Variants in TMEM117 observed in about 807,000 individuals in gnomAD.
TMEM117 encodes the protein transmembrane protein 117.
In TMEM117, 27 loss-of-function variants were observed where a neutral mutation model predicts 52.4. The ratio of observed to expected loss-of-function variants is 0.51; its 90% CI spans 0.38 to 0.71. The LOEUF (loss-of-function observed/expected upper bound fraction) is 0.71. TMEM117 is among the 30% of genes least tolerant of loss of function. The pLI is 0.00. For synonymous variants in TMEM117, 215 were observed against 206.3 expected (o/e 1.04, Z -0.36); for missense variants, 556 against 630.5 (o/e 0.88, Z 1.26).
At chr12:43,923,244 G>T (rs1049909814) in intron 2 of TMEM117, among the ~76,000 whole-genome samples, 3 of 152,146 alleles carry the variant, frequency 2.0e-5, no homozygotes, top group Admixed American at 2.0e-4. Context: ...ATCCTCTTGT[G>T]TAATCTAGTT....
intron 2 of TMEM117, among the ~76,000 whole-genome samples, chr12:43,850,822 G>A (rs534234273): frequency 1.3e-5 from 2 of 152,176 alleles, no homozygotes; most frequent in Admixed American, 6.5e-5. Flanking sequence ...TTTTTAAAAG[G>A]ACATATTTAA....
chr12:44,250,036 A>G (rs1220109868), intron 5 of TMEM117, among the ~76,000 whole-genome samples: 1 of 152,216 alleles, frequency 6.6e-6, no homozygotes, highest in Non-Finnish European at 1.5e-5. Flanking sequence ...AAATGAAACT[A>G]TCATCAGAGT....
At chr12:43,845,547 AT>A (rs1166652385) in intron 2 of TMEM117, among the ~76,000 whole-genome samples, 1 of 150,608 alleles carries the variant, frequency 6.6e-6, no homozygotes, top group Non-Finnish European at 1.5e-5. Context: ...TATTTTTAAA[AT>A]TTTTTTTATT....
At chr12:43,828,989 G>A in the TMEM117 span, among the ~76,000 whole-genome samples, 6 of 152,060 alleles carry the variant, frequency 3.9e-5, no homozygotes, top group South Asian at 1.2e-3. Flanking sequence ...TTGTTATTTT[G>A]TTGCCCAGGT....
intron 2 of TMEM117, among the ~76,000 whole-genome samples, chr12:43,942,098 T>C: frequency 6.6e-6 from 1 of 152,190 alleles, no homozygotes; most frequent in East Asian, 1.9e-4. Context: ...GGTCTAAAGC[T>C]GAAAGGACTT....
chr12:44,219,046 A>C (rs1949755716), intron 5 of TMEM117, among the ~76,000 whole-genome samples: 1 of 152,224 alleles, frequency 6.6e-6, no homozygotes, highest in Non-Finnish European at 1.5e-5. Flanking sequence ...TTTTCAACAA[A>C]TGTATTTACT....
At chr12:44,292,214 T>A (rs74084472) in intron 5 of TMEM117, among the ~76,000 whole-genome samples, 2,436 of 152,148 alleles carry the variant, frequency 0.016, 84 homozygotes, top group African/African-American at 0.055. Context: ...TAGGAATTTA[T>A]CCTTATTCCA....
intron 5 of TMEM117, among the ~76,000 whole-genome samples, chr12:44,242,016 C>T (rs1368106301): frequency 3.3e-5 from 5 of 151,988 alleles, no homozygotes; most frequent in East Asian, 1.9e-4. Context: ...ATAAGGTTGA[C>T]GTGGCTCTGT....
intron 3 of TMEM117, among the ~76,000 whole-genome samples, chr12:44,034,957 C>T (rs915736362): frequency 6.6e-6 from 1 of 152,096 alleles, no homozygotes; most frequent in African/African-American, 2.4e-5. Flanking sequence ...AGGAATTTGC[C>T]CCTGTTGCTT....
intron 3 of TMEM117, among the ~76,000 whole-genome samples, chr12:43,988,461 T>C (rs1945883708): frequency 1.3e-5 from 2 of 152,148 alleles, no homozygotes. Flanking sequence ...CATATGGTAG[T>C]GCTTTATTTC....
At chr12:44,305,504 G>A (rs1339300256) in intron 6 of TMEM117, among the ~76,000 whole-genome samples, 5 of 146,080 alleles carry the variant, frequency 3.4e-5, no homozygotes, top group Non-Finnish European at 6.0e-5. Context: ...AACATGAACA[G>A]ACACTTCTCA....
At chr12:43,806,007 A>G in the TMEM117 span, 2 of 1,527,638 alleles carry the variant, frequency 1.3e-6, no homozygotes, top group Non-Finnish European at 8.8e-7. Context: ...ATCAATCTGC[A>G]ACGTGACGGC....
At chr12:43,796,869 C>T in the TMEM117 span, 3 of 1,243,682 alleles carry the variant, frequency 2.4e-6, no homozygotes, top group Non-Finnish European at 3.4e-6. Flanking sequence ...AGGATGATAA[C>T]AAGAAAAATA....
At chr12:43,983,825 C>G (rs1271844638) in intron 3 of TMEM117, among the ~76,000 whole-genome samples, 1 of 151,630 alleles carries the variant, frequency 6.6e-6, no homozygotes, top group African/African-American at 2.4e-5. Context: ...ACTTTACACT[C>G]CAGTCTATGG....
intron 3 of TMEM117, among the ~76,000 whole-genome samples, chr12:44,095,489 G>A (rs1370934491): frequency 6.6e-6 from 1 of 152,068 alleles, no homozygotes; most frequent in Non-Finnish European, 1.5e-5. Flanking sequence ...GCAAAGTGGG[G>A]AAAGAAATGG....
intron 2 of TMEM117, among the ~76,000 whole-genome samples, chr12:43,850,169 G>GGATCCTTGCCCTGTTATC (rs1392309660): frequency 3.3e-5 from 5 of 152,060 alleles, no homozygotes; most frequent in African/African-American, 4.8e-5. Context: ...GTGAGATGAT[G>GGATCCTTGCCCTGTTATC]GATCCTTGCC....
chr12:43,912,460 C>T (rs982716988), intron 2 of TMEM117, among the ~76,000 whole-genome samples: 12 of 148,086 alleles, frequency 8.1e-5, no homozygotes, highest in African/African-American at 1.0e-4. Flanking sequence ...AACTAACCTG[C>T]GCGTTGTGCA....
At chr12:44,155,920 A>G (rs1948819138) in intron 4 of TMEM117, among the ~76,000 whole-genome samples, 1 of 152,036 alleles carries the variant, frequency 6.6e-6, no homozygotes, top group Non-Finnish European at 1.5e-5. Context: ...GACAGGTACC[A>G]TGTTGTAATG....
chr12:44,365,420 G>T (rs1951776843), intron 6 of TMEM117, among the ~76,000 whole-genome samples: 1 of 152,008 alleles, frequency 6.6e-6, no homozygotes, highest in African/African-American at 2.4e-5. Flanking sequence ...AAAGTGGGTA[G>T]ATAATTGCAA....
Sources: gnomAD v4.1 joint callset for allele counts (sites outside exome capture counted in the v4.1 genomes callset) on GRCh38, gnomAD v4.1.1 for gene constraint, MANE v1.5 for transcripts, NCBI Gene and HGNC (gene_info 2026-07-23, HGNC 2026-07-21) for gene names.